DLEC1: variants seen among roughly 807,000 people sequenced by gnomAD.
The protein encoded by DLEC1 is deleted in lung and esophageal cancer protein 1.
Under a neutral mutation model 198.1 loss-of-function variants are expected in DLEC1, and 146 were observed. That is an observed-to-expected ratio of 0.74 (90% CI 0.64 to 0.85). The LOEUF (loss-of-function observed/expected upper bound fraction) is 0.85, where lower values mean the gene tolerates loss of function less well. DLEC1 is among the 40% of genes least tolerant of loss of function. The probability of loss-of-function intolerance (pLI) is 0.00; values close to 1 mark genes in which losing one functional copy is unlikely to be tolerated. For synonymous variants in DLEC1, 897 were observed against 866.8 expected (o/e 1.03, Z -0.61); for missense variants, 2,233 against 2,220.0 (o/e 1.01, Z -0.12).
chr3:38,116,885 AG>A lies in DLEC1; in HGVS notation c.4177del (p.Val1393TrpfsTer38). 2 of 1,613,086 alleles carry A rather than the reference AG, an allele frequency of 1.2e-6. No individual in the cohort carries two copies. The highest frequency in any genetic ancestry group is 1.7e-5 in the Admixed American group (1 of 59,956). ...CACCTGTACTGTATCAGCCCCAAGC[AG>A]GTGGTGAGTTGGGGTATGGGCTGGG... ...SGHLYCISPKQVVVPAGGSST... is the reference protein window; with the variant it reads ...SGHLYCISPKXVVVPAGGSST... On this transcript the variant is annotated frameshift_variant, in exon 29 of 37. Coordinates refer to ENST00000308059, the MANE Select transcript of DLEC1 (RefSeq NM_007335.4). LOFTEE classifies it high-confidence loss of function.
chr3:38,112,425 C>T lies in DLEC1; in HGVS notation c.3666+64C>T, dbSNP rs550224482. On this transcript the variant is annotated intron_variant, in intron 25 of 36. Transcript: ENST00000308059. The surrounding 1 kb of genome is among the most constrained non-coding windows in gnomAD (Gnocchi z 4.8). Reference sequence around the variant, plus strand: ...GAGTCTGCCCAGCCCTCGCCTTCAGCCTCTCTCCCCTCCAACACCTGGCCC... The same window carrying T: ...GAGTCTGCCCAGCCCTCGCCTTCAGTCTCTCTCCCCTCCAACACCTGGCCC... 5.0e-6 allele frequency: 8 copies of T among 1,590,024 alleles called. No homozygotes were observed. The African/African-American group carries it at 1.1e-4, about 21-fold the overall frequency.
chr3:38,119,273 A>G (rs1411371401), intron 33 of DLEC1, among the ~76,000 whole-genome samples: 1 of 152,104 alleles, frequency 6.6e-6, no homozygotes, highest in Non-Finnish European at 1.5e-5. Flanking sequence ...AATCTGTCCA[A>G]AGTGAACTCC....
intron 6 of DLEC1, among the ~76,000 whole-genome samples, chr3:38,079,101 G>A (rs1408778521): frequency 2.0e-5 from 3 of 152,082 alleles, no homozygotes; most frequent in Non-Finnish European, 4.4e-5. Flanking sequence ...AGGGAGTAGA[G>A]GTATCTTATA....
intron 8 of DLEC1, among the ~76,000 whole-genome samples, chr3:38,085,703 C>A (rs528258810): frequency 1.3e-5 from 2 of 152,088 alleles, no homozygotes; most frequent in Non-Finnish European, 2.9e-5. Flanking sequence ...GTCCAGCTAA[C>A]CCCACCATAG....
chr3:38,056,952 A>AATG (rs1196949499), intron 2 of DLEC1, among the ~76,000 whole-genome samples: 1 of 152,200 alleles, frequency 6.6e-6, no homozygotes, highest in East Asian at 1.9e-4. Flanking sequence ...CACCCATCAG[A>AATG]ATGATGATGA....
At chr3:38,039,908 T>C (rs1354265725) in intron 1 of DLEC1, among the ~76,000 whole-genome samples, 1 of 152,222 alleles carries the variant, frequency 6.6e-6, no homozygotes, top group Non-Finnish European at 1.5e-5. Flanking sequence ...ATATTGCATA[T>C]ATCAATGAAC....
rs761587663 is a variant in DLEC1 at position 38,096,643 on chromosome 3, G to C, written c.2246G>C (p.Gly749Ala). The change falls in exon 15 of 37, where the codon GGC becomes GCC. Residue 749 changes from glycine to alanine, a missense_variant. Transcript: ENST00000308059. ...ATTGTCCTGGAAATCGAGGTGAAAG[G>C]CTCAGTAGAACCTTTCCAGGTTCTC... The part of the protein sequence containing the change: ...DVIVLEIEVK[G>A]SVEPFQVLLE... 129 of 1,613,010 alleles carry C rather than the reference G, an allele frequency of 8.0e-5. No individual in the cohort carries two copies. The highest frequency in any genetic ancestry group is 1.1e-4 in the Non-Finnish European group (126 of 1,180,018).
At position 38,086,346 on chromosome 3, in the gene DLEC1, C is replaced by A. The variant is rs199946277; in HGVS notation, c.1541C>A (p.Pro514His). The A allele has an allele frequency of 5.0e-5, 81 of 1,610,524 alleles. No homozygotes were observed. The highest frequency in any genetic ancestry group is 6.6e-5 in the Non-Finnish European group (78 of 1,178,400). The change falls in exon 9 of 37, where the codon CCC becomes CAC. Residue 514 changes from proline (P) to histidine (H), a missense_variant. Physicochemically the swap from Pro to His is moderately conservative, Grantham distance 77. Coordinates refer to ENST00000308059, the MANE Select transcript of DLEC1 (RefSeq NM_007335.4). Reference protein sequence around the residue: ...GFSVGRFCIMPKTSWPPLSFK... With the variant: ...GFSVGRFCIMHKTSWPPLSFK... ...AGTGTTGGCAGGTTCTGCATTATGC[C>A]CAAAACAAGCTGGCCACCACTAAGT...
intron 9 of DLEC1, 129 bp from the exon 10 acceptor site, chr3:38,088,167 C>A: frequency 1.3e-6 from 1 of 773,646 alleles, no homozygotes; most frequent in Non-Finnish European, 2.1e-6. Flanking sequence ...TTTTTCATTA[C>A]CATGTGACTG....
chr3:38,049,097 A>G (rs1399210665), intron 2 of DLEC1, among the ~76,000 whole-genome samples: 1 of 152,044 alleles, frequency 6.6e-6, no homozygotes, highest in African/African-American at 2.4e-5. Context: ...TGAAAGTGAA[A>G]TAAAACATTG....
chr3:38,074,693 C>T (rs62240694), intron 6 of DLEC1, among the ~76,000 whole-genome samples: 51,086 of 152,004 alleles, frequency 0.34, 8,938 homozygotes, highest in East Asian at 0.55. Flanking sequence ...ATGAAGCCGG[C>T]GGTTATCAGC....
intron 6 of DLEC1, among the ~76,000 whole-genome samples, chr3:38,082,195 A>G (rs1266174605): frequency 2.2e-5 from 3 of 133,344 alleles, no homozygotes; most frequent in East Asian, 2.4e-4. Flanking sequence ...ATCTCAGACG[A>G]TGGGCGGCCG....
At chr3:38,119,706 C>A (rs1382545560) in intron 33 of DLEC1, among the ~76,000 whole-genome samples, 1 of 152,070 alleles carries the variant, frequency 6.6e-6, no homozygotes, top group Non-Finnish European at 1.5e-5. Flanking sequence ...CCATGCCCAG[C>A]TATTATTTGC....
chr3:38,073,466 T>A (rs1697434894), intron 6 of DLEC1, among the ~76,000 whole-genome samples: 1 of 152,070 alleles, frequency 6.6e-6, no homozygotes, highest in Admixed American at 6.5e-5. Context: ...AATAGGCATG[T>A]GATCAGTTGC....
At chr3:38,096,265 G>A (rs1699012740) in intron 14 of DLEC1, among the ~76,000 whole-genome samples, 1 of 152,334 alleles carries the variant, frequency 6.6e-6, no homozygotes, top group Middle Eastern at 3.4e-3. Context: ...CCCCCATGGT[G>A]TAAACCTTCA....
At chr3:38,098,156 C>T (rs1017547538) in intron 18 of DLEC1, among the ~76,000 whole-genome samples, 11 of 152,116 alleles carry the variant, frequency 7.2e-5, no homozygotes, top group Non-Finnish European at 7.3e-5. Context: ...AGAAATAGGG[C>T]GTGGGTTTCT....
chr3:38,122,149 A>G lies in DLEC1; in HGVS notation c.5099A>G (p.Asn1700Ser), dbSNP rs200160961. 19 of 1,614,028 alleles carry G rather than the reference A, an allele frequency of 1.2e-5. No homozygotes were observed. The highest frequency in any genetic ancestry group is 6.7e-5 in the Admixed American group (4 of 60,002). Residue 1700 changes from asparagine to serine, a missense_variant, in exon 36 of 37, where the codon AAT becomes AGT. By Grantham distance (46) the Asn-to-Ser change is conservative. Transcript: ENST00000308059. ...NSGLLEARSA[N>S]APPTSIALQV... ...GGGCTGCTAGAAGCACGATCCGCCA[A>G]TGCACCCCCAACCTCCATCGCCTTG...
At position 38,122,615 on chromosome 3, in the gene DLEC1, C is replaced by A; in HGVS notation, c.*203C>A. 6.5e-7 allele frequency: 1 copy of A among 1,547,924 alleles called. No individual in the cohort carries two copies. Among genetic ancestry groups the A allele is most frequent in the Non-Finnish European group, 8.7e-7 (1 of 1,151,716 alleles). ...CTCAGAGCTAACATAAAGGACAGGC[C>A]ACACCACAGCAGAGACCACCACATT... On this transcript the variant is annotated 3_prime_UTR_variant, in exon 37 of 37. Coordinates refer to ENST00000308059, the MANE Select transcript of DLEC1 (RefSeq NM_007335.4).
chr3:38,084,998 C>G (rs933296043), intron 7 of DLEC1, among the ~76,000 whole-genome samples: 4 of 152,212 alleles, frequency 2.6e-5, no homozygotes, highest in Non-Finnish European at 2.9e-5. Context: ...CTGCTATCCA[C>G]CAAAGAAATT....
Sources: gnomAD v4.1 joint callset for allele counts (sites outside exome capture counted in the v4.1 genomes callset) on GRCh38, gnomAD v4.1.1 for gene constraint, Gnocchi (gnomAD v3.1) non-coding constraint, MANE v1.5 for transcripts, NCBI Gene and HGNC (gene_info 2026-07-23, HGNC 2026-07-21) for gene names.